The following HMBOX1 variants were observed in gnomAD, a reference collection of about 807,000 sequenced individuals.
The protein encoded by HMBOX1 is homeobox-containing protein 1.
A neutral mutation model predicts 54.5 loss-of-function variants in HMBOX1; 14 were observed. The observed-to-expected ratio is 0.26, with a 90% CI of 0.17 to 0.40. HMBOX1 has a LOEUF of 0.40. Ranked by LOEUF, HMBOX1 falls within the 10% of genes least tolerant of loss-of-function variation. HMBOX1 has a pLI of 1.00. For missense variants in HMBOX1, 332 were observed against 514.4 expected (o/e 0.65, Z 3.43); for synonymous variants, 160 against 181.0 (o/e 0.88, Z 0.93).
intron 1 of HMBOX1, among the ~76,000 whole-genome samples, chr8:28,956,531 G>C (rs1824487778): frequency 6.6e-6 from 1 of 151,710 alleles, no homozygotes. Context: ...TTTTTTGCTA[G>C]ATGATAACCA....
intron 1 of HMBOX1, among the ~76,000 whole-genome samples, chr8:28,951,446 G>A (rs1485821626): frequency 6.6e-6 from 1 of 152,116 alleles, no homozygotes; most frequent in Non-Finnish European, 1.5e-5. Flanking sequence ...AATATTTTAG[G>A]AGCAGATATA....
At chr8:28,928,849 CATAGAA>C (rs1412415151) in intron 1 of HMBOX1, among the ~76,000 whole-genome samples, 1 of 152,044 alleles carries the variant, frequency 6.6e-6, no homozygotes, top group Non-Finnish European at 1.5e-5. Context: ...AAGTTGAACT[CATAGAA>C]ATAGAATAGA....
At chr8:28,944,370 C>A (rs1412179877) in intron 1 of HMBOX1, among the ~76,000 whole-genome samples, 6 of 152,140 alleles carry the variant, frequency 3.9e-5, no homozygotes, top group Non-Finnish European at 8.8e-5. Flanking sequence ...TACCAAGATT[C>A]TTTCTAGAGT....
intron 1 of HMBOX1, among the ~76,000 whole-genome samples, chr8:28,917,335 A>T (rs1393349886): frequency 1.3e-5 from 2 of 152,136 alleles, no homozygotes; most frequent in African/African-American, 4.8e-5. Context: ...TATAAATGGT[A>T]TATTTTTATT....
intron 6 of HMBOX1, among the ~76,000 whole-genome samples, chr8:29,038,536 C>T (rs1322943810): frequency 6.6e-6 from 1 of 152,166 alleles, no homozygotes; most frequent in Non-Finnish European, 1.5e-5. Context: ...CCAAGTTCTC[C>T]TACAGTTTAT....
chr8:28,962,314 G>T (rs968040489), intron 1 of HMBOX1, among the ~76,000 whole-genome samples: 3 of 151,980 alleles, frequency 2.0e-5, no homozygotes, highest in Non-Finnish European at 2.9e-5. Context: ...GTGTCTTATG[G>T]TTACATAAAT....
chr8:28,965,056 G>T (rs1025793528), intron 2 of HMBOX1, among the ~76,000 whole-genome samples: 3 of 152,206 alleles, frequency 2.0e-5, no homozygotes, highest in African/African-American at 7.2e-5. Context: ...GAGTTAAGAC[G>T]TCTAATGGCT....
At chr8:28,978,106 T>C (rs972624634) in intron 3 of HMBOX1, among the ~76,000 whole-genome samples, 2 of 152,208 alleles carry the variant, frequency 1.3e-5, no homozygotes, top group Admixed American at 1.3e-4. Context: ...TTCCAACTGA[T>C]AGATCAGCAG....
At chr8:28,997,029 T>C (rs1831966484) in intron 4 of HMBOX1, among the ~76,000 whole-genome samples, 1 of 152,116 alleles carries the variant, frequency 6.6e-6, no homozygotes. Context: ...CTTTGGGTTT[T>C]TTATATACAA....
chr8:29,028,916 T>G (rs777123842), intron 6 of HMBOX1, among the ~76,000 whole-genome samples: 1 of 152,232 alleles, frequency 6.6e-6, no homozygotes, highest in African/African-American at 2.4e-5. Flanking sequence ...ATTACCTTTA[T>G]TAACCACAGT....
intron 1 of HMBOX1, among the ~76,000 whole-genome samples, chr8:28,919,472 T>C (rs1161157351): frequency 2.0e-5 from 3 of 152,228 alleles, no homozygotes; most frequent in African/African-American, 7.2e-5. Flanking sequence ...ATTTCTTTAT[T>C]GAATATTTGG....
chr8:28,900,271 AATATATATATATATATAT>A (rs1554519263), intron 1 of HMBOX1, among the ~76,000 whole-genome samples: 2 of 70,334 alleles, frequency 2.8e-5, no homozygotes, highest in African/African-American at 4.6e-5. Context: ...AAAAAAAAAA[AATATATATATATATATAT>A]ATTTTGTTTC....
intron 1 of HMBOX1, among the ~76,000 whole-genome samples, chr8:28,953,837 T>C (rs1823941041): frequency 6.6e-6 from 1 of 152,192 alleles, no homozygotes; most frequent in Non-Finnish European, 1.5e-5. Context: ...TCTGCTCTTT[T>C]ACATGTTTGC....
chr8:28,927,334 TTG>T (rs1296376721), intron 1 of HMBOX1, among the ~76,000 whole-genome samples: 3 of 152,182 alleles, frequency 2.0e-5, no homozygotes, highest in Non-Finnish European at 4.4e-5. Flanking sequence ...TTTAGTCCAT[TTG>T]TGTTACTATA....
chr8:28,974,338 A>T (rs906929902), intron 3 of HMBOX1, among the ~76,000 whole-genome samples: 15 of 152,338 alleles, frequency 9.8e-5, no homozygotes, highest in Non-Finnish European at 2.2e-4. Context: ...ATGTTTAAAA[A>T]TGCATCTATT....
chr8:28,892,639 C>G (rs1050626256), intron 1 of HMBOX1, among the ~76,000 whole-genome samples: 2 of 151,966 alleles, frequency 1.3e-5, no homozygotes, highest in Non-Finnish European at 2.9e-5. Flanking sequence ...TATGATATGT[C>G]CTCTAACCAT....
At chr8:28,942,575 A>G (rs1341999769) in intron 1 of HMBOX1, among the ~76,000 whole-genome samples, 1 of 152,050 alleles carries the variant, frequency 6.6e-6, no homozygotes, top group African/African-American at 2.4e-5. Context: ...ACAAATCTAT[A>G]TATAGTTATT....
chr8:28,972,740 T>C (rs1200422447), intron 3 of HMBOX1, among the ~76,000 whole-genome samples: 1 of 152,210 alleles, frequency 6.6e-6, no homozygotes, highest in Non-Finnish European at 1.5e-5. Flanking sequence ...TAGAAGATTG[T>C]CTGGAATAAT....
intron 9 of HMBOX1, among the ~76,000 whole-genome samples, chr8:29,049,808 C>G (rs940552176): frequency 6.6e-6 from 1 of 152,218 alleles, no homozygotes; most frequent in Non-Finnish European, 1.5e-5. Context: ...ATGGTACCTT[C>G]CCCTAGACCA....
Sources: allele counts gnomAD v4.1 joint callset (sites outside exome capture counted in the v4.1 genomes callset), GRCh38; gene constraint gnomAD v4.1.1; transcripts MANE v1.5; gene names NCBI Gene and HGNC (gene_info 2026-07-23, HGNC 2026-07-21).